PLXDC2: variants seen among roughly 807,000 people sequenced by gnomAD.
PLXDC2 encodes the protein plexin domain-containing protein 2.
In PLXDC2, 40 loss-of-function variants were observed where a neutral mutation model predicts 68.9. The observed-to-expected ratio is 0.58, with a 90% CI of 0.45 to 0.76. The LOEUF (loss-of-function observed/expected upper bound fraction) is 0.76. Ranked by LOEUF, PLXDC2 falls within the 30% of genes least tolerant of loss-of-function variation. The pLI is 0.00. For missense variants in PLXDC2, 644 were observed against 661.9 expected, an observed-to-expected ratio of 0.97 and a Z score of 0.30; for synonymous variants, 243 against 234.2, an observed-to-expected ratio of 1.04 and a Z score of -0.34.
chr10:20,138,865 A>G (rs1055893662), intron 4 of PLXDC2, among the ~76,000 whole-genome samples: 3 of 152,146 alleles, frequency 2.0e-5, no homozygotes, highest in Non-Finnish European at 4.4e-5. Context: ...GTGAGCCAAA[A>G]TCGTGCCACT....
Position 20,282,283 on chromosome 10 carries a change from T to G in PLXDC2, c.*2464T>G, listed in dbSNP as rs1588560360. ...GCTAAATCCTTTTCTTTCATGAAAC[T>G]CTCATTCTATTTTATATTTCTGGTT... On this transcript the variant is annotated 3_prime_UTR_variant, in exon 14 of 14. Coordinates refer to ENST00000377252, the MANE Select transcript of PLXDC2 (RefSeq NM_032812.9). The G allele has an allele frequency of 3.3e-5, 5 of 152,268 alleles. No homozygotes were observed. In the South Asian group the frequency reaches 1.0e-3, roughly 32 times the overall value. The allele number at this position is 152,268 out of a possible 1,614,324, so 9.4% of individuals were successfully genotyped here. A position where few individuals can be genotyped will look rare whatever the true frequency, so the allele number is the denominator to read the frequency against.
intron 4 of PLXDC2, among the ~76,000 whole-genome samples, chr10:20,069,305 G>A (rs564508462): frequency 6.6e-6 from 1 of 152,182 alleles, no homozygotes; most frequent in Non-Finnish European, 1.5e-5. Context: ...CCTTAGAGGT[G>A]TGTAGCTTAG....
intron 1 of PLXDC2, among the ~76,000 whole-genome samples, chr10:19,890,536 G>C (rs1441466994): frequency 7.3e-6 from 1 of 137,808 alleles, no homozygotes; most frequent in Non-Finnish European, 1.5e-5. Context: ...TTTTTTCTGA[G>C]ACGGGGTTTT....
chr10:19,871,842 C>A (rs10082539), intron 1 of PLXDC2, among the ~76,000 whole-genome samples: 42,463 of 148,590 alleles, frequency 0.29, 6,206 homozygotes, highest in East Asian at 0.38. Context: ...GCCAAGATCA[C>A]GCCACCGCAC....
chr10:19,831,602 A>G (rs1373882108), intron 1 of PLXDC2, among the ~76,000 whole-genome samples: 1 of 152,044 alleles, frequency 6.6e-6, no homozygotes, highest in Non-Finnish European at 1.5e-5. Context: ...CCGCCCTCAG[A>G]TAGACCCCAG....
At chr10:19,832,759 G>A (rs749222023) in intron 1 of PLXDC2, among the ~76,000 whole-genome samples, 1 of 152,176 alleles carries the variant, frequency 6.6e-6, no homozygotes, top group Non-Finnish European at 1.5e-5. Context: ...ACCAATACTT[G>A]TGGTTGCACA....
intron 12 of PLXDC2, among the ~76,000 whole-genome samples, chr10:20,227,198 A>C (rs1367431087): frequency 2.0e-5 from 3 of 152,124 alleles, no homozygotes; most frequent in Non-Finnish European, 4.4e-5. Flanking sequence ...TAGGTGATGC[A>C]GATGCAAAGA....
chr10:19,943,385 C>T (rs1050286713), intron 1 of PLXDC2, among the ~76,000 whole-genome samples: 4 of 152,118 alleles, frequency 2.6e-5, no homozygotes, highest in Non-Finnish European at 5.9e-5. Context: ...ATATTCTATG[C>T]TTCTAATGTA....
At chr10:19,971,728 ACTC>A (rs1221578501) in intron 1 of PLXDC2, among the ~76,000 whole-genome samples, 1 of 151,814 alleles carries the variant, frequency 6.6e-6, no homozygotes, top group Non-Finnish European at 1.5e-5. Context: ...CATTTATTAA[ACTC>A]CTTTTTTATG....
At chr10:19,851,892 G>T (rs1837124495) in intron 1 of PLXDC2, among the ~76,000 whole-genome samples, 1 of 152,162 alleles carries the variant, frequency 6.6e-6, no homozygotes, top group African/African-American at 2.4e-5. Context: ...TCAGACCTGA[G>T]TGAAAACCAG....
At chr10:19,984,688 C>G (rs1834607034) in intron 1 of PLXDC2, among the ~76,000 whole-genome samples, 1 of 152,124 alleles carries the variant, frequency 6.6e-6, no homozygotes, top group Non-Finnish European at 1.5e-5. Context: ...TTCAGAGACA[C>G]AGGAGAAATA....
intron 4 of PLXDC2, among the ~76,000 whole-genome samples, chr10:20,081,968 C>G (rs1836566937): frequency 6.8e-6 from 1 of 146,336 alleles, no homozygotes; most frequent in African/African-American, 2.5e-5. Flanking sequence ...TTGCCTGAAC[C>G]CAGGAGGCAG....
chr10:19,869,421 CAGAAAGAA>C (rs751879101), intron 1 of PLXDC2, among the ~76,000 whole-genome samples: 4 of 122,392 alleles, frequency 3.3e-5, no homozygotes, highest in Non-Finnish European at 4.7e-5. Context: ...AAGACTCTAC[CAGAAAGAA>C]AGAAAGAAAG....
intron 7 of PLXDC2, among the ~76,000 whole-genome samples, chr10:20,173,703 C>T (rs778363838): frequency 2.0e-5 from 3 of 152,140 alleles, no homozygotes; most frequent in Admixed American, 1.3e-4. Context: ...TAAGACTGAA[C>T]GTTTAATTCA....
chr10:19,955,428 T>C (rs1314332678), intron 1 of PLXDC2, among the ~76,000 whole-genome samples: 1 of 152,032 alleles, frequency 6.6e-6, no homozygotes, highest in Non-Finnish European at 1.5e-5. Flanking sequence ...TTGATTCCCC[T>C]TTTCATCACC....
intron 13 of PLXDC2, among the ~76,000 whole-genome samples, chr10:20,253,881 A>G (rs1218479042): frequency 6.6e-6 from 1 of 152,212 alleles, no homozygotes; most frequent in Admixed American, 6.5e-5. Context: ...CCCCAGCTGT[A>G]TGGTTGTAGA....
At chr10:19,982,050 C>T (rs1834559369) in intron 1 of PLXDC2, among the ~76,000 whole-genome samples, 1 of 152,178 alleles carries the variant, frequency 6.6e-6, no homozygotes, top group Non-Finnish European at 1.5e-5. Context: ...ATCATTAGTC[C>T]AGAATATATA....
In PLXDC2 at chr10:20,267,847, T is replaced by A. The variant is rs144200531; in HGVS notation, c.1474-11856T>A. On this transcript the variant is annotated intron_variant, in intron 13 of 13. Coordinates refer to ENST00000377252, the MANE Select transcript of PLXDC2 (RefSeq NM_032812.9). ...GTCATCTTGCTTTTTTATCTTTTTT[T>A]TTTTTATTTTTGAAGTGTTGCAAAC... 2.6e-3 allele frequency among the ~76,000 whole-genome samples: 390 copies of A among 152,082 alleles called. 1 individual carries two copies. Among genetic ancestry groups the A allele is most frequent in the African/African-American group, 9.1e-3 (377 of 41,542 alleles).
intron 1 of PLXDC2, among the ~76,000 whole-genome samples, chr10:19,928,342 T>A (rs1332013130): frequency 6.6e-6 from 1 of 152,170 alleles, no homozygotes; most frequent in Non-Finnish European, 1.5e-5. Flanking sequence ...AGACTTTAGG[T>A]CTGGGGGAGA....
Sources: allele counts gnomAD v4.1 joint callset (sites outside exome capture counted in the v4.1 genomes callset), GRCh38; gene constraint gnomAD v4.1.1; transcripts MANE v1.5; gene names NCBI Gene and HGNC (gene_info 2026-07-23, HGNC 2026-07-21).